The following ADGRB3 variants were observed in gnomAD, a reference collection of about 807,000 sequenced individuals.
ADGRB3 encodes brain-specific angiogenesis inhibitor 3.
Under a neutral mutation model 193.4 loss-of-function variants are expected in ADGRB3, and 37 were observed. That is an observed-to-expected ratio of 0.19 (90% CI 0.15 to 0.25). The LOEUF (loss-of-function observed/expected upper bound fraction) is 0.25, where lower values mean the gene tolerates loss of function less well. ADGRB3 is among the 10% of genes least tolerant of loss of function. The probability of loss-of-function intolerance (pLI) is 1.00; values close to 1 mark genes in which losing one functional copy is unlikely to be tolerated. For missense variants in ADGRB3, 1,637 were observed against 1,852.9 expected (o/e 0.88, Z 2.14); for synonymous variants, 690 against 644.2 (o/e 1.07, Z -1.08).
At chr6:68,759,761 A>C (rs572279928) in intron 3 of ADGRB3, among the ~76,000 whole-genome samples, 1 of 152,124 alleles carries the variant, frequency 6.6e-6, no homozygotes, top group Non-Finnish European at 1.5e-5. Flanking sequence ...CAATATGTAA[A>C]AATGAAATTT....
At chr6:69,074,337 G>A (rs1582441176) in intron 16 of ADGRB3, among the ~76,000 whole-genome samples, 2 of 151,978 alleles carry the variant, frequency 1.3e-5, no homozygotes, top group Non-Finnish European at 2.9e-5. Context: ...ATTTAGAATG[G>A]ACCTATCAGA....
chr6:68,868,675 GGA>G (rs1765372930), intron 3 of ADGRB3, among the ~76,000 whole-genome samples: 1 of 151,834 alleles, frequency 6.6e-6, no homozygotes, highest in South Asian at 2.1e-4. Context: ...TTTTATTTTG[GGA>G]AAAAATCTAG....
intron 3 of ADGRB3, among the ~76,000 whole-genome samples, chr6:68,858,102 G>A (rs1427819091): frequency 6.6e-6 from 1 of 152,048 alleles, no homozygotes; most frequent in East Asian, 1.9e-4. Context: ...TTTGTAAATT[G>A]CCAAGTTTTT....
At position 68,785,591 on chromosome 6, in the gene ADGRB3, A is replaced by G. The variant is rs1385366394; in HGVS notation, c.758-144968A>G. On this transcript the variant is annotated intron_variant, in intron 3 of 31. Coordinates refer to ENST00000370598, the MANE Select transcript of ADGRB3 (RefSeq NM_001704.3). ...TTTGAGTTGGTTCCAAGTCTTTGCT[A>G]TTGTGAATAGTGCCGCTATAAACAT... is the stretch of plus-strand genomic sequence containing the variant. Among the ~76,000 whole-genome samples the G allele has an allele frequency of 2.0e-5, 3 of 152,128 alleles. No individual in the cohort carries two copies. The East Asian group carries it at 5.8e-4, about 29-fold the overall frequency.
At chr6:69,006,141 A>G (rs1769743254) in intron 11 of ADGRB3, among the ~76,000 whole-genome samples, 1 of 152,108 alleles carries the variant, frequency 6.6e-6, no homozygotes, top group Non-Finnish European at 1.5e-5. Context: ...GATGATTTCC[A>G]TAATAATGTT....
At chr6:69,172,640 T>G in intron 17 of ADGRB3, among the ~76,000 whole-genome samples, 1 of 39,350 alleles carries the variant, frequency 2.5e-5, no homozygotes. Context: ...CGAGACTCTG[T>G]CTCAAAAAAA....
chr6:69,144,674 T>A (rs185773488), intron 17 of ADGRB3, among the ~76,000 whole-genome samples: 14 of 152,316 alleles, frequency 9.2e-5, no homozygotes, highest in Non-Finnish European at 1.8e-4. Flanking sequence ...ATCATATTAT[T>A]TTTATCCTTG....
At chr6:69,282,664 A>T (rs1298506389) in intron 20 of ADGRB3, among the ~76,000 whole-genome samples, 2 of 152,222 alleles carry the variant, frequency 1.3e-5, no homozygotes, top group Non-Finnish European at 2.9e-5. Context: ...CTGAGGCTTA[A>T]GCTAACCAAT....
intron 23 of ADGRB3, chr6:69,332,564 G>T: frequency 1.0e-6 from 1 of 985,384 alleles, no homozygotes; most frequent in Non-Finnish European, 1.2e-6. Context: ...TGGCTCATGG[G>T]CATAGGGTAA....
At chr6:68,772,129 A>G (rs1285543414) in intron 3 of ADGRB3, among the ~76,000 whole-genome samples, 1 of 152,182 alleles carries the variant, frequency 6.6e-6, no homozygotes. Context: ...CTATGGCAAT[A>G]TCCTAGGGAA....
chr6:68,999,617 A>G (rs890536658), intron 11 of ADGRB3, among the ~76,000 whole-genome samples: 7 of 152,176 alleles, frequency 4.6e-5, no homozygotes, highest in Admixed American at 1.3e-4. Context: ...GCTTAAAGAT[A>G]TCTTTTGTTG....
chr6:69,218,334 T>A (rs988065500), intron 17 of ADGRB3, among the ~76,000 whole-genome samples: 9 of 152,134 alleles, frequency 5.9e-5, no homozygotes, highest in Non-Finnish European at 1.5e-5. Flanking sequence ...CATATCATAA[T>A]TTTATATAAA....
At chr6:69,032,658 C>A (rs1312971492) in intron 13 of ADGRB3, among the ~76,000 whole-genome samples, 1 of 152,106 alleles carries the variant, frequency 6.6e-6, no homozygotes, top group Non-Finnish European at 1.5e-5. Flanking sequence ...CTAAATTATT[C>A]CTTTCCTCCT....
In ADGRB3 at chr6:68,882,274, T is replaced by C. The variant is rs1765753644; in HGVS notation, c.758-48285T>C. ...AGAGTCCCAAGGTATTTCAAAAACA[T>C]ACTTTGAAGTAGTGACTCAATATTG... On this transcript the variant is annotated intron_variant, in intron 3 of 31. Coordinates refer to ENST00000370598, the MANE Select transcript of ADGRB3 (RefSeq NM_001704.3). Among the ~76,000 whole-genome samples the C allele has an allele frequency of 2.6e-5, 4 of 152,188 alleles. 1 individual carries two copies. The highest frequency in any genetic ancestry group is 9.6e-5 in the African/African-American group (4 of 41,452).
At chr6:69,095,813 GCACA>G (rs143832948) in intron 17 of ADGRB3, among the ~76,000 whole-genome samples, 5 of 151,146 alleles carry the variant, frequency 3.3e-5, no homozygotes, top group East Asian at 1.9e-4. Flanking sequence ...ATGCACGCGT[GCACA>G]CACACACACA....
intron 3 of ADGRB3, among the ~76,000 whole-genome samples, chr6:68,816,117 A>G (rs1202638419): frequency 2.6e-5 from 4 of 152,070 alleles, no homozygotes; most frequent in Non-Finnish European, 5.9e-5. Context: ...TTGATATTAT[A>G]TGAAAGGGAA....
chr6:68,923,121 T>TTC (rs3036627), intron 3 of ADGRB3, among the ~76,000 whole-genome samples: 119,679 of 151,844 alleles, frequency 0.79, 48,241 homozygotes, highest in Non-Finnish European at 0.88. Context: ...GGTTTGATAC[T>TTC]TTTCATTAAA....
intron 3 of ADGRB3, among the ~76,000 whole-genome samples, chr6:68,758,462 G>C (rs1481097865): frequency 1.3e-5 from 2 of 152,042 alleles, no homozygotes; most frequent in Non-Finnish European, 2.9e-5. Context: ...TATCGACAAA[G>C]TTTCATTGTG....
At chr6:69,287,518 T>G (rs1478661095) in intron 20 of ADGRB3, among the ~76,000 whole-genome samples, 1 of 152,104 alleles carries the variant, frequency 6.6e-6, no homozygotes, top group Non-Finnish European at 1.5e-5. Flanking sequence ...GTAACAGGCA[T>G]CAAACTAGGT....
Sources: gnomAD v4.1 joint callset for allele counts (sites outside exome capture counted in the v4.1 genomes callset) on GRCh38, gnomAD v4.1.1 for gene constraint, MANE v1.5 for transcripts, NCBI Gene and HGNC (gene_info 2026-07-23, HGNC 2026-07-21) for gene names.